The following EPB41L2 variants were observed in gnomAD, a reference collection of about 807,000 sequenced individuals.
EPB41L2 encodes erythrocyte membrane protein band 4.1 like 2.
A neutral mutation model predicts 113.0 loss-of-function variants in EPB41L2; 43 were observed. The observed-to-expected ratio is 0.38, with a 90% confidence interval of 0.30 to 0.49. The LOEUF (loss-of-function observed/expected upper bound fraction) is 0.49. Ranked by LOEUF, EPB41L2 falls within the 20% of genes least tolerant of loss-of-function variation. The pLI is 0.95. For synonymous variants in EPB41L2, 442 were observed against 436.7 expected, an observed-to-expected ratio of 1.01 and a Z score of -0.15; for missense variants, 1,147 against 1,223.4, an observed-to-expected ratio of 0.94 and a Z score of 0.93.
intron 1 of EPB41L2, among the ~76,000 whole-genome samples, chr6:131,030,999 G>A (rs563586687): frequency 6.6e-6 from 1 of 152,064 alleles, no homozygotes; most frequent in Admixed American, 6.5e-5. Context: ...GGCTAAGGTG[G>A]GGGGATCGCC....
In EPB41L2 at chr6:130,890,395, C is replaced by A. The variant is rs1382957093; in HGVS notation, c.1559G>T (p.Arg520Leu). ...TLGSKFRYSG[R>L]TQAQTRQAST... ...GGCCTGGCGGGTCTGTGCTTGGGTG[C>A]GGCCACTATAGCGAAATTTGGACCC... The change falls in exon 11 of 20, where the codon CGC becomes CTC. Residue 520 changes from arginine (R) to leucine (L), a missense_variant. Transcript: ENST00000337057. 1.9e-6 allele frequency: 3 copies of A among 1,610,924 alleles called. No individual in the cohort carries two copies. The highest frequency in any genetic ancestry group is 2.7e-5 in the African/African-American group (2 of 73,754).
At chr6:130,864,810 G>T (rs1455246598) in intron 17 of EPB41L2, among the ~76,000 whole-genome samples, 2 of 152,208 alleles carry the variant, frequency 1.3e-5, no homozygotes, top group African/African-American at 4.8e-5. Context: ...TGAAACATGG[G>T]TTGGGAAGGG....
intron 1 of EPB41L2, among the ~76,000 whole-genome samples, chr6:131,017,269 A>G (rs1289958590): frequency 6.6e-6 from 1 of 152,222 alleles, no homozygotes; most frequent in Non-Finnish European, 1.5e-5. Context: ...CAGTGGTTTC[A>G]GTATCCCAGC....
At chr6:130,869,448 A>C in intron 15 of EPB41L2, 115 bp downstream of exon 15, 1 of 989,306 alleles carries the variant, frequency 1.0e-6, no homozygotes, top group Non-Finnish European at 1.5e-6. Flanking sequence ...AGAGAGAAAA[A>C]TCAGATTCTT....
At chr6:130,860,781 G>A (rs553564355) in intron 18 of EPB41L2, among the ~76,000 whole-genome samples, 6 of 151,788 alleles carry the variant, frequency 4.0e-5, no homozygotes, top group Non-Finnish European at 5.9e-5. Flanking sequence ...TGATCTGCCC[G>A]CCTCGGCCTC....
At chr6:131,009,094 C>G (rs1253041250) in intron 1 of EPB41L2, among the ~76,000 whole-genome samples, 1 of 152,066 alleles carries the variant, frequency 6.6e-6, no homozygotes. Context: ...CCTCTGTGTC[C>G]CCACTCCAAT....
At chr6:130,931,089 A>G (rs1467582297) in intron 3 of EPB41L2, among the ~76,000 whole-genome samples, 1 of 152,128 alleles carries the variant, frequency 6.6e-6, no homozygotes, top group Non-Finnish European at 1.5e-5. Flanking sequence ...TGGAGAACAG[A>G]ATGAGGGGTC....
Position 130,901,056 on chromosome 6 carries a change from C to T in EPB41L2, c.1054G>A (p.Glu352Lys), listed in dbSNP as rs1467591047. Residue 352 changes from glutamate (E) to lysine (K), a missense_variant, in exon 7 of 20, where the codon GAA becomes AAA. By Grantham distance (56) the Glu-to-Lys change is moderately conservative. Coordinates refer to ENST00000337057, the MANE Select transcript of EPB41L2 (RefSeq NM_001431.4). ...QAELGDYDPEEHGSIDLSEFQ... is the reference protein window; with the variant it reads ...QAELGDYDPEKHGSIDLSEFQ... Reference sequence around the variant, plus strand: ...TCACTGAGGTCGATGCTGCCATGTTCTTCTGGGTCATAGTCACCAAGTTCA... The same window carrying T: ...TCACTGAGGTCGATGCTGCCATGTTTTTCTGGGTCATAGTCACCAAGTTCA... 1 of 1,614,116 alleles carries T rather than the reference C, an allele frequency of 6.2e-7. No homozygotes were observed. Among genetic ancestry groups the T allele is most frequent in the South Asian group, 1.1e-5 (1 of 91,080 alleles).
At chr6:130,893,112 T>A (rs985371063) in intron 10 of EPB41L2, among the ~76,000 whole-genome samples, 1 of 152,198 alleles carries the variant, frequency 6.6e-6, no homozygotes, top group Non-Finnish European at 1.5e-5. Context: ...AAGCTAAAGA[T>A]GGTTAGATGA....
At chr6:130,966,563 G>C (rs1384240630) in intron 1 of EPB41L2, among the ~76,000 whole-genome samples, 1 of 152,144 alleles carries the variant, frequency 6.6e-6, no homozygotes, top group African/African-American at 2.4e-5. Context: ...AAAGAAACTG[G>C]GGAAGAATGC....
intron 3 of EPB41L2, among the ~76,000 whole-genome samples, chr6:130,934,661 G>A (rs1325451916): frequency 6.6e-6 from 1 of 151,992 alleles, no homozygotes. Context: ...TTTTGGTAGA[G>A]GCAGATGGGG....
At position 130,890,577 on chromosome 6, in the gene EPB41L2, A is replaced by T. The variant is rs1583127115; in HGVS notation, c.1488-111T>A. ...CTATGTACTTTCATATCTCATTTTA[A>T]GTATGATTACTCAAAAACTAAACTT... On this transcript the variant is annotated intron_variant, in intron 10 of 19. Coordinates refer to ENST00000337057, the MANE Select transcript of EPB41L2 (RefSeq NM_001431.4). 2.4e-6 allele frequency: 3 copies of T among 1,258,152 alleles called. No individual in the cohort carries two copies. In the East Asian group the frequency reaches 7.5e-5, roughly 32 times the overall value. The allele number at this position is 1,258,152 out of a possible 1,614,324, so 77.9% of individuals were successfully genotyped here. A position where few individuals can be genotyped will look rare whatever the true frequency, so the allele number is the denominator to read the frequency against.
chr6:130,855,233 CA>C (rs1206696299), intron 19 of EPB41L2, among the ~76,000 whole-genome samples: 1 of 151,938 alleles, frequency 6.6e-6, no homozygotes, highest in Non-Finnish European at 1.5e-5. Context: ...GCCTGTAATT[CA>C]AGCTACTTGG....
chr6:130,901,048 G>A lies in EPB41L2; in HGVS notation c.1062C>T (p.Gly354=), dbSNP rs771274724. 1 of 1,614,156 alleles carries A rather than the reference G, an allele frequency of 6.2e-7. No individual in the cohort carries two copies. The highest frequency in any genetic ancestry group is 8.5e-7 in the Non-Finnish European group (1 of 1,180,014). ...ACTGGAATTCACTGAGGTCGATGCT[G>A]CCATGTTCTTCTGGGTCATAGTCAC... ...ELGDYDPEEH[G]SIDLSEFQFA... Residue 354 remains glycine (G), a synonymous_variant, in exon 7 of 20, where the codon GGC becomes GGT. Coordinates refer to ENST00000337057, the MANE Select transcript of EPB41L2 (RefSeq NM_001431.4).
chr6:130,904,933 A>T lies in EPB41L2; in HGVS notation c.854-393T>A, dbSNP rs1338976512. On this transcript the variant is annotated intron_variant, in intron 5 of 19. Transcript: ENST00000337057. ...TCTCCACCCTTTTTTTTTTTTTTAA[A>T]ATTCAGGATTTTCTACATTGTTGTG... Among the ~76,000 whole-genome samples, 8 of 148,822 alleles carry T rather than the reference A, an allele frequency of 5.4e-5. No individual in the cohort carries two copies. In the East Asian group the frequency reaches 1.6e-3, roughly 29 times the overall value.
At chr6:130,976,095 C>T (rs750393190) in intron 1 of EPB41L2, among the ~76,000 whole-genome samples, 1 of 152,144 alleles carries the variant, frequency 6.6e-6, no homozygotes, top group Non-Finnish European at 1.5e-5. Context: ...CCAATCTTCC[C>T]ATCTACCAAT....
chr6:130,981,576 G>A (rs1375750373), intron 1 of EPB41L2, among the ~76,000 whole-genome samples: 1 of 152,152 alleles, frequency 6.6e-6, no homozygotes, highest in Non-Finnish European at 1.5e-5. Flanking sequence ...CATTCTGACA[G>A]TGCACACAAA....
chr6:130,854,678 T>C (rs985347066), intron 19 of EPB41L2, among the ~76,000 whole-genome samples: 1 of 152,226 alleles, frequency 6.6e-6, no homozygotes, highest in African/African-American at 2.4e-5. Context: ...TCCAGTGCTA[T>C]TACCTTATGT....
chr6:131,044,290 C>T (rs751926964), intron 1 of EPB41L2, among the ~76,000 whole-genome samples: 6 of 151,610 alleles, frequency 4.0e-5, no homozygotes, highest in Non-Finnish European at 7.4e-5. Flanking sequence ...CCTCCCAAAG[C>T]GCTGGGATCA....
Sources: allele counts gnomAD v4.1 joint callset (sites outside exome capture counted in the v4.1 genomes callset), GRCh38; gene constraint gnomAD v4.1.1; transcripts MANE v1.5; gene names NCBI Gene and HGNC (gene_info 2026-07-23, HGNC 2026-07-21).